Variants in POLA1 observed in about 807,000 individuals in gnomAD.
POLA1 encodes DNA polymerase alpha catalytic subunit.
POLA1 carries 15 observed loss-of-function variants against 124.0 expected under a neutral mutation model. That is an observed-to-expected ratio of 0.12 (90% confidence interval 0.08 to 0.19). The LOEUF (loss-of-function observed/expected upper bound fraction) is 0.19, where lower values mean the gene tolerates loss of function less well. POLA1 is among the 10% of genes least tolerant of loss of function. The pLI is 1.00. For missense variants in POLA1, 886 were observed against 1,103.4 expected, an observed-to-expected ratio of 0.80 and a Z score of 2.79; for synonymous variants, 408 against 389.4, an observed-to-expected ratio of 1.05 and a Z score of -0.56.
intron 26 of POLA1, among the ~76,000 whole-genome samples, chrX:24,755,580 CTTG>C (rs1296139442): frequency 9.0e-6 from 1 of 111,608 alleles, no homozygotes; most frequent in African/African-American, 3.3e-5. Context: ...AAAGCCAATC[CTTG>C]TTTTGTCATT....
chrX:24,708,974 G>A (rs1285815602), intron 4 of POLA1, among the ~76,000 whole-genome samples: 4 of 79,158 alleles, frequency 5.1e-5, no homozygotes, highest in Non-Finnish European at 1.0e-4. Flanking sequence ...GGGCAGAGGC[G>A]CCCCTCACCT....
At chrX:24,918,207 CAAAA>C (rs764856044) in intron 35 of POLA1, among the ~76,000 whole-genome samples, 1 of 82,526 alleles carries the variant, frequency 1.2e-5, no homozygotes, top group African/African-American at 4.4e-5. Flanking sequence ...CCATCACCAC[CAAAA>C]AAAAAAAAAA....
intron 4 of POLA1, among the ~76,000 whole-genome samples, chrX:24,706,565 G>T (rs889081005): frequency 8.9e-6 from 1 of 112,074 alleles, no homozygotes; most frequent in Non-Finnish European, 1.9e-5. Context: ...ACATCACTGG[G>T]TTCTTTATCT....
chrX:24,995,677 C>T, intron 36 of POLA1, 128 bp from the exon 37 acceptor site: 1 of 588,566 alleles, frequency 1.7e-6, no homozygotes, highest in Non-Finnish European at 2.7e-6. Context: ...TCTGACTGGC[C>T]CCAGGGGTAG....
chrX:24,906,525 G>T (rs751269973), intron 35 of POLA1, among the ~76,000 whole-genome samples: 1 of 108,094 alleles, frequency 9.3e-6, no homozygotes, highest in South Asian at 4.2e-4. Context: ...GGGACTTGGG[G>T]GGAAGGATGG....
chrX:24,855,823 G>A (rs994697438), intron 34 of POLA1, among the ~76,000 whole-genome samples: 10 of 110,796 alleles, frequency 9.0e-5, no homozygotes, highest in Admixed American at 4.8e-4. Flanking sequence ...ACTTGACCCC[G>A]CAGAATCCTC....
chrX:24,916,971 G>A (rs1233554281), intron 35 of POLA1, among the ~76,000 whole-genome samples: 3 of 112,372 alleles, frequency 2.7e-5, no homozygotes, highest in Non-Finnish European at 5.6e-5. Context: ...AGCAAATCTA[G>A]TTTCTAATTA....
chrX:24,728,012 A>G (rs1930649834), intron 15 of POLA1, 76 bp downstream of exon 15: 1 of 835,112 alleles, frequency 1.2e-6, no homozygotes, highest in Non-Finnish European at 1.7e-6. Flanking sequence ...CTTTGCTTTA[A>G]GAGAAAGTTG....
At chrX:24,837,236 C>T (rs2046352299) in intron 32 of POLA1, among the ~76,000 whole-genome samples, 1 of 112,021 alleles carries the variant, frequency 8.9e-6, no homozygotes, top group African/African-American at 3.2e-5. Flanking sequence ...AATGTTCCCT[C>T]GTGCCTCTTC....
chrX:24,743,420 T>C lies in POLA1; in HGVS notation c.2566+91T>C, dbSNP rs781556617. 26 of 444,909 alleles carry C rather than the reference T, an allele frequency of 5.8e-5. No individual in the cohort carries two copies. The South Asian group carries it at 1.5e-3, about 26-fold the overall frequency. The allele number at this position is 444,909 out of a possible 1,213,427, so 36.7% of individuals were successfully genotyped here. On this transcript the variant is annotated intron_variant, in intron 23 of 36. Transcript: ENST00000379068. The stretch of plus-strand genomic sequence containing the variant: ...TGAGAAACTAGAAGACTGAATTATA[T>C]CTTATAGATCAGCGAATAGGTCTCA...
At chrX:24,905,876 T>C (rs772251746) in intron 35 of POLA1, among the ~76,000 whole-genome samples, 1 of 111,887 alleles carries the variant, frequency 8.9e-6, no homozygotes, top group Non-Finnish European at 1.9e-5. Flanking sequence ...ACTTTTTAAA[T>C]GAATGGAAAA....
intron 36 of POLA1, among the ~76,000 whole-genome samples, chrX:24,969,311 T>C (rs765898638): frequency 3.6e-5 from 4 of 111,037 alleles, no homozygotes; most frequent in Admixed American, 2.9e-4. Context: ...CTCCCACTTA[T>C]AACAGTGTGC....
chrX:24,708,997 G>A (rs1242179225), intron 4 of POLA1, among the ~76,000 whole-genome samples: 8 of 91,777 alleles, frequency 8.7e-5, no homozygotes, highest in African/African-American at 2.3e-4. Flanking sequence ...CGGACGGGGC[G>A]GCTGGCCGGG....
At chrX:24,896,643 C>G (rs6628039) in intron 35 of POLA1, among the ~76,000 whole-genome samples, 1 of 110,066 alleles carries the variant, frequency 9.1e-6, no homozygotes, top group Non-Finnish European at 1.9e-5. Context: ...AGCACAGATG[C>G]CTTAGAGTAG....
rs760002553 is a variant in POLA1 at position 24,995,749 on chromosome X, G to A, written c.4262-56G>A. On this transcript the variant is annotated intron_variant, in intron 36 of 36. Transcript: ENST00000379068. ...GCATCCCCTTCTCTGGTGGAATACT[G>A]AATGTTCTTTAAAGAAACTACCTGA... 30 of 1,043,928 alleles carry A rather than the reference G, an allele frequency of 2.9e-5. No individual in the cohort carries two copies. The African/African-American group carries it at 3.9e-4, about 14-fold the overall frequency. 86.0% of individuals were successfully genotyped at this position (1,043,928 alleles called of 1,213,427 possible).
intron 1 of POLA1, 86 bp downstream of exon 1, chrX:24,694,090 C>G: frequency 1.1e-6 from 1 of 946,026 alleles, no homozygotes; most frequent in Non-Finnish European, 1.5e-6. Flanking sequence ...GGCGCACACC[C>G]GGGTTTGTTT....
At chrX:24,731,550 T>C (rs751823977) in intron 15 of POLA1, among the ~76,000 whole-genome samples, 30 of 112,028 alleles carry the variant, frequency 2.7e-4, no homozygotes, top group Non-Finnish European at 4.3e-4. Flanking sequence ...GGTTGTCAGC[T>C]GGGTGAGATT....
chrX:24,946,469 C>G lies in POLA1; in HGVS notation c.4261+15920C>G, dbSNP rs770755907. Among the ~76,000 whole-genome samples, 97 of 111,107 alleles carry G rather than the reference C, an allele frequency of 8.7e-4. 3 individuals are homozygous for G. The Admixed American group carries it at 9.2e-3, about 11-fold the overall frequency. On this transcript the variant is annotated intron_variant, in intron 36 of 36. Transcript: ENST00000379068. ...ATAGTCTCAGATCACCCCTTTTTGC[C>G]TAGAAGGATTAGGACTGCACCTTGT... is the stretch of plus-strand genomic sequence containing the variant.
intron 36 of POLA1, among the ~76,000 whole-genome samples, chrX:24,939,434 CATG>C (rs1001589604): frequency 8.9e-6 from 1 of 111,901 alleles, no homozygotes; most frequent in African/African-American, 3.2e-5. Context: ...GTTTTATTTC[CATG>C]ATGTTTTTTA....
Sources: gnomAD v4.1 joint callset for allele counts (sites outside exome capture counted in the v4.1 genomes callset) on GRCh38, gnomAD v4.1.1 for gene constraint, MANE v1.5 for transcripts, NCBI Gene and HGNC (gene_info 2026-07-23, HGNC 2026-07-21) for gene names.